PDE4D: variants seen among roughly 807,000 people sequenced by gnomAD.
PDE4D encodes phosphodiesterase 4D, also known as 3',5'-cyclic-AMP phosphodiesterase 4D.
A neutral mutation model predicts 87.4 loss-of-function variants in PDE4D; 24 were observed. The observed-to-expected ratio is 0.27, with a 90% CI of 0.20 to 0.39. PDE4D has a LOEUF of 0.39. Among genes scored for constraint, PDE4D ranks in the 10% least tolerant of loss-of-function variants. PDE4D has a pLI of 1.00. For missense variants in PDE4D, 714 were observed against 1,041.0 expected, an observed-to-expected ratio of 0.69 and a Z score of 4.32; for synonymous variants, 384 against 383.2, an observed-to-expected ratio of 1.00 and a Z score of -0.02.
chr5:60,292,638 C>T (rs756251029), intron 1 of PDE4D, among the ~76,000 whole-genome samples: 21 of 152,144 alleles, frequency 1.4e-4, no homozygotes, highest in Non-Finnish European at 2.2e-4. Flanking sequence ...GCTATTTCTT[C>T]CAATTCTAGA....
chr5:59,480,643 C>T (rs1322906274), intron 1 of PDE4D, among the ~76,000 whole-genome samples: 2 of 152,060 alleles, frequency 1.3e-5, no homozygotes, highest in African/African-American at 2.4e-5. Context: ...TGGGAATACC[C>T]CATGAAGCCA....
At chr5:60,454,343 C>T (rs146035748) in intron 1 of PDE4D, among the ~76,000 whole-genome samples, 1,981 of 152,174 alleles carry the variant, frequency 0.013, 42 homozygotes, top group African/African-American at 0.044. Context: ...TAAAGATACA[C>T]GCATGCGTAT....
chr5:59,592,834 G>A (rs184024156), intron 1 of PDE4D, among the ~76,000 whole-genome samples: 87 of 152,150 alleles, frequency 5.7e-4, no homozygotes, highest in Non-Finnish European at 8.8e-4. Flanking sequence ...GGAGTCCTAA[G>A]ATGTGAACCC....
intron 1 of PDE4D, among the ~76,000 whole-genome samples, chr5:59,621,735 C>G (rs960647276): frequency 5.3e-5 from 8 of 152,176 alleles, no homozygotes; most frequent in African/African-American, 1.2e-4. Flanking sequence ...ATTTATCAAG[C>G]ATTCCCTGGC....
At chr5:59,930,276 T>C (rs956258799) in intron 3 of PDE4D, among the ~76,000 whole-genome samples, 1 of 151,804 alleles carries the variant, frequency 6.6e-6, no homozygotes, top group Non-Finnish European at 1.5e-5. Context: ...CAATTAAGGA[T>C]CTCAAGGTGA....
intron 2 of PDE4D, among the ~76,000 whole-genome samples, chr5:59,195,769 C>A (rs1386041391): frequency 1.3e-5 from 2 of 152,104 alleles, no homozygotes; most frequent in East Asian, 3.8e-4. Context: ...AATGTGCTTA[C>A]CACACAGTAA....
chr5:59,688,941 C>A (rs1580430208), intron 1 of PDE4D, among the ~76,000 whole-genome samples: 2 of 152,164 alleles, frequency 1.3e-5, no homozygotes, highest in African/African-American at 4.8e-5. Flanking sequence ...ACTATAAACA[C>A]CTCTATGCAA....
At chr5:59,113,544 ACTAT>A (rs1220412680) in intron 5 of PDE4D, among the ~76,000 whole-genome samples, 3 of 152,200 alleles carry the variant, frequency 2.0e-5, no homozygotes, top group Non-Finnish European at 2.9e-5. Flanking sequence ...TTCTCTAGAC[ACTAT>A]CTATCAAAAT....
In PDE4D at chr5:58,971,928, G is replaced by A. The variant is rs970782541; in HGVS notation, c.*2736C>T. ...ACAGTGCATTAGTCCCTGTCTCTTGGATATTGAGCCTTTTCTGCAATTTGA... is the reference window on the plus strand; with the variant it reads ...ACAGTGCATTAGTCCCTGTCTCTTGAATATTGAGCCTTTTCTGCAATTTGA... On this transcript the variant is annotated 3_prime_UTR_variant, in exon 15 of 15. Transcript: ENST00000340635. 1 of 152,340 alleles carries A rather than the reference G, an allele frequency of 6.6e-6. No homozygotes were observed. The highest frequency in any genetic ancestry group is 2.4e-5 in the African/African-American group (1 of 41,362). The allele number at this position is 152,340 out of a possible 1,614,324, so 9.4% of individuals were successfully genotyped here.
intron 1 of PDE4D, among the ~76,000 whole-genome samples, chr5:59,803,502 G>T (rs549283644): frequency 6.6e-6 from 1 of 151,820 alleles, no homozygotes; most frequent in Admixed American, 6.6e-5. Context: ...TTTCACCATG[G>T]TGGCCAGGCT....
intron 1 of PDE4D, among the ~76,000 whole-genome samples, chr5:60,415,355 G>A (rs1436315371): frequency 2.0e-5 from 3 of 152,250 alleles, no homozygotes; most frequent in African/African-American, 2.4e-5. Flanking sequence ...CACTCTGGCC[G>A]TGCTTGAGGA....
chr5:59,633,856 T>A (rs1831889089), intron 1 of PDE4D, among the ~76,000 whole-genome samples: 1 of 152,146 alleles, frequency 6.6e-6, no homozygotes, highest in South Asian at 2.1e-4. Context: ...ACAGCTAGCA[T>A]CATAATGACA....
chr5:59,536,469 C>T (rs900799524), intron 1 of PDE4D, among the ~76,000 whole-genome samples: 2 of 127,058 alleles, frequency 1.6e-5, no homozygotes, highest in Admixed American at 1.9e-4. Context: ...CATGCCACTG[C>T]ACTCCAGCCT....
intron 3 of PDE4D, among the ~76,000 whole-genome samples, chr5:59,917,053 C>T (rs1431762760): frequency 6.7e-6 from 1 of 148,702 alleles, no homozygotes; most frequent in East Asian, 2.0e-4. Flanking sequence ...ATCCATCTGC[C>T]TCGGGCTCCC....
chr5:59,693,772 A>G (rs1337521548), intron 1 of PDE4D, among the ~76,000 whole-genome samples: 1 of 152,208 alleles, frequency 6.6e-6, no homozygotes, highest in African/African-American at 2.4e-5. Context: ...TGTGATGATA[A>G]TAAGGTTCTG....
At chr5:60,438,636 A>G (rs1454299703) in intron 1 of PDE4D, among the ~76,000 whole-genome samples, 2 of 152,084 alleles carry the variant, frequency 1.3e-5, no homozygotes, top group Non-Finnish European at 2.9e-5. Flanking sequence ...ACGTCTATTC[A>G]GGGCCTTGAA....
intron 3 of PDE4D, among the ~76,000 whole-genome samples, chr5:59,186,210 C>T (rs1240918086): frequency 6.6e-6 from 1 of 152,136 alleles, no homozygotes; most frequent in African/African-American, 2.4e-5. Flanking sequence ...ACCTAACAAC[C>T]CAGACTGTCT....
chr5:60,092,465 T>A (rs1269561568), intron 2 of PDE4D, among the ~76,000 whole-genome samples: 1 of 152,156 alleles, frequency 6.6e-6, no homozygotes, highest in Non-Finnish European at 1.5e-5. Context: ...AAACAAAGGA[T>A]AAATGTTTGA....
At chr5:60,455,375 A>G (rs1281320682) in intron 1 of PDE4D, among the ~76,000 whole-genome samples, 2 of 152,182 alleles carry the variant, frequency 1.3e-5, no homozygotes, top group Non-Finnish European at 2.9e-5. Context: ...AGGCAATAAT[A>G]TACCTTAGAG....
Sources: allele counts gnomAD v4.1 joint callset (sites outside exome capture counted in the v4.1 genomes callset), GRCh38; gene constraint gnomAD v4.1.1; transcripts MANE v1.5; gene names NCBI Gene and HGNC (gene_info 2026-07-23, HGNC 2026-07-21).